The following CD84 variants were observed in gnomAD, a reference collection of about 807,000 sequenced individuals.
CD84 encodes CD84 molecule, also known as SLAM family member 5.
CD84 carries 22 observed loss-of-function variants against 33.8 expected under a neutral mutation model. The observed-to-expected ratio is 0.65, with a 90% confidence interval of 0.46 to 0.93. CD84 has a LOEUF of 0.93. CD84 is among the 40% of genes least tolerant of loss of function. CD84 has a pLI of 0.00. For missense variants in CD84, 400 were observed against 397.6 expected, an observed-to-expected ratio of 1.01 and a Z score of -0.05; for synonymous variants, 154 against 145.2, an observed-to-expected ratio of 1.06 and a Z score of -0.44.
At chr1:160,569,866 GA>G (rs1657581310) in intron 1 of CD84, among the ~76,000 whole-genome samples, 5 of 152,174 alleles carry the variant, frequency 3.3e-5, no homozygotes, top group African/African-American at 1.2e-4. Context: ...GGTACAGCTG[GA>G]GATACAAATT....
chr1:160,550,824 G>T, intron 5 of CD84, 114 bp downstream of exon 5: 1 of 1,562,628 alleles, frequency 6.4e-7, no homozygotes, highest in South Asian at 1.2e-5. Context: ...TGGAACCTCT[G>T]GACTCTTGGC....
rs1658166967 is a variant in CD84, at chr1:160,579,474, C to T, written c.-37G>A. 1 of 1,612,086 alleles carries T rather than the reference C, an allele frequency of 6.2e-7. No individual in the cohort carries two copies. Among genetic ancestry groups the T allele is most frequent in the Non-Finnish European group, 8.5e-7 (1 of 1,178,820 alleles). ...TCTAACCTTCTGTGGAAAAGCACGG[C>T]ACTGTTCTAGCAGAGTCAGTTTCAC... On this transcript the variant is annotated 5_prime_UTR_variant, in exon 1 of 7. Coordinates refer to ENST00000368054, the MANE Select transcript of CD84 (RefSeq NM_003874.4).
intron 1 of CD84, among the ~76,000 whole-genome samples, chr1:160,570,398 G>T (rs1282195177): frequency 3.3e-5 from 5 of 152,134 alleles, no homozygotes. Context: ...TCCAATATTT[G>T]TTCCCTCCTT....
At chr1:160,571,224 G>A (rs1272248291) in intron 1 of CD84, 2 of 152,100 alleles carry the variant, frequency 1.3e-5, no homozygotes, top group Non-Finnish European at 2.9e-5. Context: ...TGAAGGAGAG[G>A]AGGGTCATTC....
intron 1 of CD84, among the ~76,000 whole-genome samples, chr1:160,569,957 G>A (rs550930631): frequency 7.2e-5 from 11 of 152,268 alleles, no homozygotes; most frequent in African/African-American, 2.6e-4. Flanking sequence ...TGCGAGTGAA[G>A]ATTAAAATAA....
At chr1:160,570,008 A>G (rs112773851) in intron 1 of CD84, among the ~76,000 whole-genome samples, 1,924 of 152,194 alleles carry the variant, frequency 0.013, 15 homozygotes, top group Middle Eastern at 0.021. Flanking sequence ...TGTGGGGAGG[A>G]AAACAGGAAG....
At chr1:160,548,576 C>T (rs111321548) in intron 6 of CD84, among the ~76,000 whole-genome samples, 3,789 of 152,064 alleles carry the variant, frequency 0.025, 86 homozygotes, top group African/African-American at 0.058. Flanking sequence ...GGAATGGGGG[C>T]GGGGGCATAT....
At chr1:160,555,970 GT>G (rs1325840550) in intron 2 of CD84, among the ~76,000 whole-genome samples, 1 of 152,180 alleles carries the variant, frequency 6.6e-6, no homozygotes, top group Non-Finnish European at 1.5e-5. Flanking sequence ...CCCAAAACAA[GT>G]TTGGGGTACA....
intron 2 of CD84, among the ~76,000 whole-genome samples, chr1:160,564,063 A>G (rs1657165825): frequency 6.6e-6 from 1 of 152,196 alleles, no homozygotes. Context: ...CTCCCAGTTG[A>G]TGCTGATACT....
intron 2 of CD84, among the ~76,000 whole-genome samples, chr1:160,563,071 A>G (rs1415574210): frequency 6.6e-6 from 1 of 152,228 alleles, no homozygotes; most frequent in African/African-American, 2.4e-5. Context: ...AATGGCAATT[A>G]TTAATAAAGT....
chr1:160,553,257 G>T, intron 4 of CD84, 121 bp downstream of exon 4: 2 of 1,513,380 alleles, frequency 1.3e-6, no homozygotes, highest in Non-Finnish European at 1.8e-6. Context: ...GTGGGGTGGA[G>T]ATCGGAAAAA....
chr1:160,579,348 C>T (rs1658157141), intron 1 of CD84, 44 bp downstream of exon 1: 20 of 1,612,386 alleles, frequency 1.2e-5, no homozygotes, highest in Non-Finnish European at 1.7e-5. Flanking sequence ...ATTTTTAAAA[C>T]TTTATGGAAA....
intron 6 of CD84, among the ~76,000 whole-genome samples, chr1:160,548,577 G>A (rs564241852): frequency 3.3e-5 from 5 of 152,200 alleles, no homozygotes; most frequent in Admixed American, 6.5e-5. Context: ...GAATGGGGGC[G>A]GGGGCATATT....
At chr1:160,552,038 G>A (rs1656268139) in intron 4 of CD84, among the ~76,000 whole-genome samples, 1 of 152,108 alleles carries the variant, frequency 6.6e-6, no homozygotes, top group East Asian at 1.9e-4. Context: ...AAAAAAGAAG[G>A]CCAGAATTTT....
rs560829660 is a variant in CD84 at position 160,567,024 on chromosome 1, TA to T, written c.47-1280del. ...TGAGAAACACTGTTTGGGGCAAGCA[TA>T]GATGATATCCAAAGTATTTAATAAC... On this transcript the variant is annotated intron_variant, in intron 1 of 6. Transcript: ENST00000368054. Among the ~76,000 whole-genome samples, 718 of 152,314 alleles carry T rather than the reference TA, an allele frequency of 4.7e-3. 5 individuals carry two copies. Among genetic ancestry groups the T allele is most frequent in the Middle Eastern group, 0.014 (4 of 294 alleles).
intron 2 of CD84, among the ~76,000 whole-genome samples, chr1:160,557,926 C>T (rs1323044012): frequency 6.6e-6 from 1 of 152,116 alleles, no homozygotes; most frequent in Non-Finnish European, 1.5e-5. Context: ...GTGGGACCTC[C>T]CTGCAGGGGC....
intron 6 of CD84, among the ~76,000 whole-genome samples, chr1:160,549,332 G>C (rs190131221): frequency 6.6e-6 from 1 of 152,158 alleles, no homozygotes; most frequent in East Asian, 1.9e-4. Context: ...TAGCAGCAGT[G>C]AGGACCTTCA....
At chr1:160,562,356 C>T (rs376051429) in intron 2 of CD84, among the ~76,000 whole-genome samples, 58 of 152,062 alleles carry the variant, frequency 3.8e-4, no homozygotes, top group Non-Finnish European at 4.1e-4. Context: ...CAAAACAGCA[C>T]GGCACTGGTA....
rs1053305482 is a variant in CD84 at position 160,544,770 on chromosome 1, C to T, written c.*3486G>A. On this transcript the variant is annotated 3_prime_UTR_variant, in exon 7 of 7. Coordinates refer to ENST00000368054, the MANE Select transcript of CD84 (RefSeq NM_003874.4). Reference sequence around the variant, plus strand: ...AGCTTCACTTTCTTCTTCTAAGAATCATGAGCTGCAACATTCCTCATTTTC... The same window carrying T: ...AGCTTCACTTTCTTCTTCTAAGAATTATGAGCTGCAACATTCCTCATTTTC... The T allele has an allele frequency of 6.6e-6, 1 of 152,206 alleles. No homozygotes were observed. Among genetic ancestry groups the T allele is most frequent in the African/African-American group, 2.4e-5 (1 of 41,442 alleles). 9.4% of individuals were successfully genotyped at this position (152,206 alleles called of 1,614,324 possible).
Sources: allele counts gnomAD v4.1 joint callset (sites outside exome capture counted in the v4.1 genomes callset), GRCh38; gene constraint gnomAD v4.1.1; transcripts MANE v1.5; gene names NCBI Gene and HGNC (gene_info 2026-07-23, HGNC 2026-07-21).